Variants in PSD3 observed in about 807,000 individuals in gnomAD.
The protein encoded by PSD3 is PH and SEC7 domain-containing protein 3.
Under a neutral mutation model 105.5 loss-of-function variants are expected in PSD3, and 49 were observed. The ratio of observed to expected loss-of-function variants is 0.46; its 90% CI spans 0.37 to 0.59. The LOEUF is 0.59. PSD3 is among the 20% of genes least tolerant of loss of function. The probability of loss-of-function intolerance (pLI) is 0.00; values close to 1 mark genes in which losing one functional copy is unlikely to be tolerated. For missense variants in PSD3, 1,561 were observed against 1,263.8 expected, an observed-to-expected ratio of 1.24 and a Z score of -3.57; for synonymous variants, 557 against 457.8, an observed-to-expected ratio of 1.22 and a Z score of -2.77.
chr8:18,632,798 T>G lies in PSD3; in HGVS notation c.2225A>C (p.Glu742Ala), dbSNP rs776609868. Residue 742 changes from glutamate (E) to alanine (A), a missense_variant, in exon 11 of 16, where the codon GAA becomes GCA. Physicochemically the swap from Glu to Ala is moderately radical, Grantham distance 107. Coordinates refer to ENST00000327040, the MANE Select transcript of PSD3 (RefSeq NM_015310.4). ...TTCTGAGGGAGACTTTTTTTTCTCTTCATCATCTCTAAAAGGGAGAAAGCA... is the reference window on the plus strand; with the variant it reads ...TTCTGAGGGAGACTTTTTTTTCTCTGCATCATCTCTAAAAGGGAGAAAGCA... ...NEKLEWAVDDEEKKKSPSEST... is the reference protein window; with the variant it reads ...NEKLEWAVDDAEKKKSPSEST... The G allele has an allele frequency of 6.4e-7, 1 of 1,566,130 alleles. No individual in the cohort carries two copies. The highest frequency in any genetic ancestry group is 8.8e-7 in the Non-Finnish European group (1 of 1,141,348).
chr8:18,731,957 T>C (rs1803787611), intron 9 of PSD3, among the ~76,000 whole-genome samples: 1 of 152,178 alleles, frequency 6.6e-6, no homozygotes. Flanking sequence ...TATGGTTTAA[T>C]GGGTAGCAGG....
chr8:18,789,820 A>G (rs116346891), intron 8 of PSD3, among the ~76,000 whole-genome samples: 380 of 152,268 alleles, frequency 2.5e-3, no homozygotes, highest in African/African-American at 8.6e-3. Flanking sequence ...CTCCACAATC[A>G]ATTTGCAGAA....
At chr8:18,790,305 CTTT>C (rs772350691) in intron 8 of PSD3, among the ~76,000 whole-genome samples, 4 of 133,388 alleles carry the variant, frequency 3.0e-5, no homozygotes, top group Admixed American at 7.5e-5. Context: ...TTTTTCTTTT[CTTT>C]TTTTTTTTTT....
intron 9 of PSD3, among the ~76,000 whole-genome samples, chr8:18,662,159 C>T (rs892615689): frequency 2.0e-5 from 3 of 151,972 alleles, no homozygotes; most frequent in African/African-American, 7.3e-5. Flanking sequence ...AGCACAAATT[C>T]GTATTAATGA....
At chr8:18,683,666 T>C in intron 9 of PSD3, 1 of 668,560 alleles carries the variant, frequency 1.5e-6, no homozygotes, top group Non-Finnish European at 2.7e-6. Context: ...TTTATACTCC[T>C]CGTTACTTTC....
intron 4 of PSD3, among the ~76,000 whole-genome samples, chr8:18,818,469 G>A (rs971198426): frequency 2.0e-5 from 3 of 151,912 alleles, no homozygotes; most frequent in Non-Finnish European, 2.9e-5. Flanking sequence ...GTTCTTTAAT[G>A]TGAATTAGAT....
At chr8:18,685,104 A>T (rs1800593568) in intron 9 of PSD3, among the ~76,000 whole-genome samples, 1 of 152,196 alleles carries the variant, frequency 6.6e-6, no homozygotes, top group Non-Finnish European at 1.5e-5. Context: ...CTCTGGGAAA[A>T]ACGTCAGCCT....
chr8:18,582,807 C>A (rs1802901034), intron 12 of PSD3, among the ~76,000 whole-genome samples: 1 of 146,566 alleles, frequency 6.8e-6, no homozygotes, highest in African/African-American at 2.5e-5. Flanking sequence ...AACCTGCAGC[C>A]ACACTGATCT....
intron 1 of PSD3, among the ~76,000 whole-genome samples, chr8:18,974,799 TAGCTATACATCC>T (rs2129472279): frequency 6.6e-6 from 1 of 152,194 alleles, no homozygotes; most frequent in South Asian, 2.1e-4. Flanking sequence ...GAAGACCTGC[TAGCTATACATCC>T]AGCAGGTCCT....
In PSD3 at chr8:18,961,301, T is replaced by C. The variant is rs1210175870; in HGVS notation, c.22-25159A>G. ...TCAATACTTACGAGTCCACAGTTAC[T>C]AACACAATGACACAGCAATATAGTA... On this transcript the variant is annotated intron_variant, in intron 1 of 15. Coordinates refer to ENST00000327040, the MANE Select transcript of PSD3 (RefSeq NM_015310.4). Among the ~76,000 whole-genome samples the C allele has an allele frequency of 2.0e-5, 3 of 152,296 alleles. No homozygotes were observed. The East Asian group carries it at 5.8e-4, about 29-fold the overall frequency.
chr8:18,578,025 C>A lies in PSD3; in HGVS notation c.2482-2740G>T, dbSNP rs115233127. 2.3e-3 allele frequency among the ~76,000 whole-genome samples: 355 copies of A among 152,132 alleles called. 2 individuals are homozygous for A. The highest frequency in any genetic ancestry group is 8.2e-3 in the African/African-American group (339 of 41,542). On this transcript the variant is annotated intron_variant, in intron 12 of 15. Transcript: ENST00000327040. ...ATAGAACTGGATATAGAACATATGG[C>A]TGCAGTCTTCTTCATTGGTTTTACT...
In PSD3 at chr8:18,632,598, A is replaced by G. The variant is rs180704038; in HGVS notation, c.2410+15T>C. ...AAAATAAATGAAATAGAAAATGACA[A>G]CGCATGATACTTACTCTTCTTTCCA... On this transcript the variant is annotated intron_variant, in intron 11 of 15. Coordinates refer to ENST00000327040, the MANE Select transcript of PSD3 (RefSeq NM_015310.4). 3.0e-4 allele frequency: 482 copies of G among 1,591,338 alleles called. 3 individuals carry two copies. The African/African-American group carries it at 5.8e-3, about 19-fold the overall frequency.
chr8:19,016,088 T>G (rs1827170330), upstream of PSD3, among the ~76,000 whole-genome samples: 1 of 152,256 alleles, frequency 6.6e-6, no homozygotes, highest in African/African-American at 2.4e-5. Flanking sequence ...TGCCAGCATG[T>G]ATTTTGTGTG....
At chr8:18,739,934 A>T (rs1804429313) in intron 9 of PSD3, among the ~76,000 whole-genome samples, 1 of 152,256 alleles carries the variant, frequency 6.6e-6, no homozygotes, top group Non-Finnish European at 1.5e-5. Context: ...TCTTTAGAAC[A>T]TAAGTTATTT....
intron 8 of PSD3, chr8:18,786,843 C>T (rs530270824): frequency 6.6e-6 from 1 of 152,310 alleles, no homozygotes; most frequent in South Asian, 2.1e-4. Flanking sequence ...TTCTTCTAGG[C>T]AAGAATTATT....
intron 9 of PSD3, among the ~76,000 whole-genome samples, chr8:18,698,142 A>C (rs1487352660): frequency 6.6e-6 from 1 of 152,202 alleles, no homozygotes; most frequent in East Asian, 1.9e-4. Context: ...TCTGTAGCCC[A>C]GGCTCAAGTG....
intron 1 of PSD3, among the ~76,000 whole-genome samples, chr8:19,055,841 T>C (rs1408506159): frequency 6.6e-6 from 1 of 152,208 alleles, no homozygotes; most frequent in Non-Finnish European, 1.5e-5. Flanking sequence ...TTAAACTTGA[T>C]TGGAAAGCTG....
At chr8:18,790,451 C>T (rs969152433) in intron 8 of PSD3, among the ~76,000 whole-genome samples, 3 of 151,554 alleles carry the variant, frequency 2.0e-5, no homozygotes, top group East Asian at 1.9e-4. Flanking sequence ...TACAGGCTCC[C>T]GCCACCATGC....
chr8:18,770,963 A>T (rs750936463), intron 8 of PSD3, among the ~76,000 whole-genome samples: 2 of 152,138 alleles, frequency 1.3e-5, no homozygotes, highest in African/African-American at 2.4e-5. Flanking sequence ...CAGGAAGGGG[A>T]GCTGAAAAGG....
Sources: gnomAD v4.1 joint callset for allele counts (sites outside exome capture counted in the v4.1 genomes callset) on GRCh38, gnomAD v4.1.1 for gene constraint, MANE v1.5 for transcripts, NCBI Gene and HGNC (gene_info 2026-07-23, HGNC 2026-07-21) for gene names.